SLCO1A2: variants seen among roughly 807,000 people sequenced by gnomAD.
The protein encoded by SLCO1A2 is solute carrier organic anion transporter family member 1A2.
Under a neutral mutation model 69.0 loss-of-function variants are expected in SLCO1A2, and 67 were observed. The observed-to-expected ratio is 0.97, with a 90% CI of 0.80 to 1.19. The LOEUF is 1.19. Among genes scored for constraint, SLCO1A2 ranks in the 50% most tolerant of loss-of-function variants. The pLI, the probability that SLCO1A2 is intolerant of heterozygous loss-of-function variation, is 0.00. For missense variants in SLCO1A2, 787 were observed against 793.7 expected, an observed-to-expected ratio of 0.99 and a Z score of 0.10; for synonymous variants, 260 against 265.9, an observed-to-expected ratio of 0.98 and a Z score of 0.22.
chr12:21,387,387 T>A (rs1940932987), intron 1 of SLCO1A2, among the ~76,000 whole-genome samples: 2 of 152,032 alleles, frequency 1.3e-5, no homozygotes, highest in African/African-American at 4.8e-5. Context: ...GGAAAAATGA[T>A]TTCCTGGGCC....
At chr12:21,365,244 AC>A (rs1345597581) in intron 2 of SLCO1A2, among the ~76,000 whole-genome samples, 1 of 152,188 alleles carries the variant, frequency 6.6e-6, no homozygotes, top group Non-Finnish European at 1.5e-5. Context: ...ATAATACCAC[AC>A]ATCTACAACC....
intron 12 of SLCO1A2, among the ~76,000 whole-genome samples, chr12:21,283,689 C>A (rs1945219669): frequency 6.6e-6 from 1 of 151,984 alleles, no homozygotes; most frequent in East Asian, 1.9e-4. Context: ...GATTAATAAC[C>A]AGAATATGTA....
At chr12:21,396,082 G>C (rs896572772), upstream of SLCO1A2, among the ~76,000 whole-genome samples, 14 of 151,716 alleles carry the variant, frequency 9.2e-5, no homozygotes, top group Admixed American at 8.5e-4. Flanking sequence ...TCTGAGCTAC[G>C]GGAGGACATT....
intron 12 of SLCO1A2, among the ~76,000 whole-genome samples, chr12:21,291,607 C>A (rs1187011661): frequency 2.0e-5 from 3 of 152,098 alleles, no homozygotes; most frequent in Non-Finnish European, 2.9e-5. Context: ...ATTTAATATA[C>A]CTAAATTTGA....
intron 1 of SLCO1A2, among the ~76,000 whole-genome samples, chr12:21,406,211 C>T (rs1036874217): frequency 1.3e-5 from 2 of 152,208 alleles, no homozygotes; most frequent in South Asian, 4.1e-4. Context: ...TGCGTGCATG[C>T]ACGCGCAACA....
chr12:21,271,001 CTTT>C (rs1565458885), intron 14 of SLCO1A2, among the ~76,000 whole-genome samples: 2 of 151,396 alleles, frequency 1.3e-5, no homozygotes, highest in African/African-American at 4.8e-5. Flanking sequence ...CTAAAATTTT[CTTT>C]TATTATGAAA....
At chr12:21,289,902 T>C (rs2136285680) in intron 12 of SLCO1A2, among the ~76,000 whole-genome samples, 1 of 152,252 alleles carries the variant, frequency 6.6e-6, no homozygotes, top group Middle Eastern at 3.4e-3. Context: ...CATGGAACAG[T>C]AGAACACCCA....
intron 2 of SLCO1A2, among the ~76,000 whole-genome samples, chr12:21,359,204 C>T (rs1314006213): frequency 6.6e-6 from 1 of 152,134 alleles, no homozygotes; most frequent in Non-Finnish European, 1.5e-5. Flanking sequence ...TCCTTCCAAG[C>T]ATCCAGGTAA....
In SLCO1A2 at chr12:21,304,928, C is replaced by T. The variant is rs551653378; in HGVS notation, c.443-355G>A. On this transcript the variant is annotated intron_variant, in intron 5 of 14. Transcript: ENST00000683939. ...TAAAAATCAAAGAGATTCAGTTTCT[C>T]CACAACTCCTGGACTCATTCAGCTG... 2.0e-5 allele frequency among the ~76,000 whole-genome samples: 3 copies of T among 152,314 alleles called. No individual in the cohort carries two copies. In the South Asian group the frequency reaches 6.2e-4, roughly 32 times the overall value.
chr12:21,281,449 C>CA lies in SLCO1A2; in HGVS notation c.1611-6026dup, dbSNP rs979517497. On this transcript the variant is annotated intron_variant, in intron 12 of 14. Coordinates refer to ENST00000683939, the MANE Select transcript of SLCO1A2 (RefSeq NM_001386879.1). ...TGAGCGACAGAGTGAGACTCCGTCT[C>CA]AAAAAAAAAAGAAAAGAAAAAAAAC... Among the ~76,000 whole-genome samples the CA allele has an allele frequency of 2.7e-3, 322 of 118,100 alleles. 1 individual carries two copies. The highest frequency in any genetic ancestry group is 8.0e-3 in the African/African-American group (251 of 31,474). 77.5% of individuals were successfully genotyped at this position (118,100 alleles called of 152,430 possible). A position where few individuals can be genotyped will look rare whatever the true frequency, so the allele number is the denominator to read the frequency against.
At chr12:21,357,829 T>G (rs551394091) in intron 2 of SLCO1A2, among the ~76,000 whole-genome samples, 19 of 152,350 alleles carry the variant, frequency 1.2e-4, no homozygotes, top group South Asian at 4.1e-4. Context: ...TTTTAAAATA[T>G]GAAAACAGTA....
intron 12 of SLCO1A2, among the ~76,000 whole-genome samples, chr12:21,282,837 A>G (rs1270103810): frequency 6.6e-6 from 1 of 152,180 alleles, no homozygotes; most frequent in African/African-American, 2.4e-5. Context: ...CAATAGCTAC[A>G]AATGCAATAA....
At chr12:21,300,296 T>G in intron 8 of SLCO1A2, 52 bp downstream of exon 8, 1 of 1,292,664 alleles carries the variant, frequency 7.7e-7, no homozygotes, top group Non-Finnish European at 1.1e-6. Flanking sequence ...TACAGACATA[T>G]CTATATGAAA....
intron 2 of SLCO1A2, among the ~76,000 whole-genome samples, chr12:21,348,423 T>A (rs1218580825): frequency 1.3e-5 from 2 of 152,198 alleles, no homozygotes; most frequent in African/African-American, 2.4e-5. Context: ...CTGGTAACCA[T>A]CCTTCTACTA....
upstream of SLCO1A2, among the ~76,000 whole-genome samples, chr12:21,418,546 T>G (rs866961954): frequency 2.2e-4 from 34 of 152,092 alleles, no homozygotes; most frequent in East Asian, 7.7e-4. Context: ...TGTCTTAGAT[T>G]GCGGCAGACA....
chr12:21,400,712 T>C (rs1238774947), intron 1 of SLCO1A2, among the ~76,000 whole-genome samples: 21 of 147,686 alleles, frequency 1.4e-4, no homozygotes, highest in Non-Finnish European at 2.6e-4. Flanking sequence ...AAATGATGAG[T>C]TCATGTCCTT....
At chr12:21,397,672 T>C (rs1274816529), upstream of SLCO1A2, among the ~76,000 whole-genome samples, 2 of 149,738 alleles carry the variant, frequency 1.3e-5, no homozygotes, top group Non-Finnish European at 3.0e-5. Context: ...TAACAAACTA[T>C]CTCTCAGACC....
chr12:21,354,192 T>C (rs144464490), intron 2 of SLCO1A2, among the ~76,000 whole-genome samples: 55 of 152,332 alleles, frequency 3.6e-4, no homozygotes, highest in African/African-American at 1.3e-3. Context: ...ACTACACTCA[T>C]GATCCCAGTA....
chr12:21,352,242 G>A (rs758900860), intron 2 of SLCO1A2, among the ~76,000 whole-genome samples: 14 of 152,232 alleles, frequency 9.2e-5, no homozygotes, highest in East Asian at 1.9e-4. Context: ...CTGGAAATGC[G>A]AAGAGAGGAA....
Sources: gnomAD v4.1 joint callset for allele counts (sites outside exome capture counted in the v4.1 genomes callset) on GRCh38, gnomAD v4.1.1 for gene constraint, MANE v1.5 for transcripts, NCBI Gene and HGNC (gene_info 2026-07-23, HGNC 2026-07-21) for gene names.